The following DSCAML1 variants were observed in gnomAD, a reference collection of about 807,000 sequenced individuals.
DSCAML1 encodes DS cell adhesion molecule like 1.
In DSCAML1, 38 loss-of-function variants were observed where a neutral mutation model predicts 200.5. That is an observed-to-expected ratio of 0.19 (90% CI 0.15 to 0.25). DSCAML1 has a LOEUF of 0.25. Among genes scored for constraint, DSCAML1 ranks in the 10% least tolerant of loss-of-function variants. DSCAML1 has a pLI of 1.00. For synonymous variants in DSCAML1, 1,215 were observed against 1,165.0 expected (o/e 1.04, Z -0.87); for missense variants, 2,223 against 2,858.8 (o/e 0.78, Z 5.07).
chr11:117,666,083 G>A (rs1180851706), intron 3 of DSCAML1, among the ~76,000 whole-genome samples: 1 of 152,182 alleles, frequency 6.6e-6, no homozygotes, highest in African/African-American at 2.4e-5. Flanking sequence ...TGAGAACCCT[G>A]TAATGCTCCG....
chr11:117,733,746 C>T (rs762344981), intron 3 of DSCAML1, among the ~76,000 whole-genome samples: 19 of 152,038 alleles, frequency 1.2e-4, no homozygotes, highest in African/African-American at 1.7e-4. Flanking sequence ...CTCTGGGCCT[C>T]GAATCTCAGG....
chr11:117,524,330 T>C (rs1326807095), intron 5 of DSCAML1, among the ~76,000 whole-genome samples: 1 of 152,228 alleles, frequency 6.6e-6, no homozygotes, highest in Non-Finnish European at 1.5e-5. Context: ...CTATCAATGA[T>C]TGTGAAACAT....
chr11:117,660,257 C>T (rs373441528), intron 3 of DSCAML1, among the ~76,000 whole-genome samples: 2 of 152,182 alleles, frequency 1.3e-5, no homozygotes, highest in Non-Finnish European at 2.9e-5. Context: ...ACCAAAGGCC[C>T]GCCCCTTCCC....
At chr11:117,450,796 G>A (rs767506758) in intron 19 of DSCAML1, 108 bp from the exon 20 acceptor site, 1 of 1,346,426 alleles carries the variant, frequency 7.4e-7, no homozygotes, top group Non-Finnish European at 1.0e-6. Flanking sequence ...GAGCTTCTTG[G>A]AGGTGGCATC....
In DSCAML1 at chr11:117,504,877, C is replaced by T. The variant is rs748671491; in HGVS notation, c.2182+47G>A. 3 of 1,566,636 alleles carry T rather than the reference C, an allele frequency of 1.9e-6. No homozygotes were observed. Among genetic ancestry groups the T allele is most frequent in the South Asian group, 1.2e-5 (1 of 82,842 alleles). On this transcript the variant is annotated intron_variant, in intron 10 of 32. Coordinates refer to ENST00000651296, the MANE Select transcript of DSCAML1 (RefSeq NM_020693.4). The surrounding 1 kb of genome is among the most constrained non-coding windows in gnomAD (Gnocchi z 5.0). ...CAAATCCCACAGAGCATCCTCCGTT[C>T]CCCGTCCCTGCCCTTCTTGGAGATT...
chr11:117,734,986 T>G (rs1197228335), intron 3 of DSCAML1, among the ~76,000 whole-genome samples: 1 of 152,098 alleles, frequency 6.6e-6, no homozygotes, highest in African/African-American at 2.4e-5. Context: ...AGCTTGGGAC[T>G]TGGGGAGGGG....
At chr11:117,697,961 G>A (rs7118719) in intron 3 of DSCAML1, among the ~76,000 whole-genome samples, 9,726 of 151,938 alleles carry the variant, frequency 0.064, 590 homozygotes, top group African/African-American at 0.16. Context: ...TAGTAGATAC[G>A]GGGTTTCACC....
intron 3 of DSCAML1, among the ~76,000 whole-genome samples, chr11:117,648,166 C>G (rs1437931984): frequency 6.6e-6 from 1 of 152,232 alleles, no homozygotes; most frequent in Admixed American, 6.5e-5. Context: ...CACTCATTCC[C>G]CCATCTCAGA....
intron 3 of DSCAML1, among the ~76,000 whole-genome samples, chr11:117,556,227 G>A (rs2137403106): frequency 6.6e-6 from 1 of 152,322 alleles, no homozygotes; most frequent in African/African-American, 2.4e-5. Flanking sequence ...GAGATGGGGA[G>A]AAGGGACATC....
chr11:117,721,816 T>A (rs1021401767), intron 3 of DSCAML1, among the ~76,000 whole-genome samples: 39 of 129,058 alleles, frequency 3.0e-4, no homozygotes, highest in South Asian at 1.0e-3. Flanking sequence ...TATATATTTT[T>A]TTTTTTTTTG....
At chr11:117,625,920 CGCAT>C (rs1565834521) in intron 3 of DSCAML1, among the ~76,000 whole-genome samples, 1 of 152,166 alleles carries the variant, frequency 6.6e-6, no homozygotes, top group Non-Finnish European at 1.5e-5. Flanking sequence ...GTCTATGAGG[CGCAT>C]CTTCCCCTAA....
At chr11:117,496,649 G>A (rs532322390) in intron 11 of DSCAML1, among the ~76,000 whole-genome samples, 2 of 152,338 alleles carry the variant, frequency 1.3e-5, no homozygotes, top group East Asian at 3.9e-4. Context: ...CAGTGCTGTG[G>A]TCATGGGGAC....
Position 117,517,530 on chromosome 11 carries a change from C to G in DSCAML1, c.1511-791G>C, listed in dbSNP as rs186049785. ...TTCCAGGGCCCTGCATCTCTGTCCC[C>G]CTTCCAATACAGAGGAGAGGGCAGG... On this transcript the variant is annotated intron_variant, in intron 7 of 32. Coordinates refer to ENST00000651296, the MANE Select transcript of DSCAML1 (RefSeq NM_020693.4). Among the ~76,000 whole-genome samples, 370 of 152,336 alleles carry G rather than the reference C, an allele frequency of 2.4e-3. 7 individuals are homozygous for G. Among genetic ancestry groups the G allele is most frequent in the Admixed American group, 0.022 (337 of 15,310 alleles).
At chr11:117,644,200 C>T (rs1249792598) in intron 3 of DSCAML1, among the ~76,000 whole-genome samples, 2 of 152,368 alleles carry the variant, frequency 1.3e-5, no homozygotes, top group South Asian at 2.1e-4. Context: ...CAGCCACCCC[C>T]ACCAAGTCTC....
At chr11:117,714,434 G>C (rs1457714045) in intron 3 of DSCAML1, among the ~76,000 whole-genome samples, 1 of 152,166 alleles carries the variant, frequency 6.6e-6, no homozygotes, top group Admixed American at 6.5e-5. Context: ...GCAGCAACAA[G>C]AGCCTAGAAG....
chr11:117,702,579 C>G (rs923356946), intron 3 of DSCAML1, among the ~76,000 whole-genome samples: 4 of 152,050 alleles, frequency 2.6e-5, no homozygotes, highest in African/African-American at 9.7e-5. Context: ...ATTTATTGCT[C>G]CCTGAAAATG....
chr11:117,492,978 C>T (rs531278636), intron 11 of DSCAML1, among the ~76,000 whole-genome samples: 32 of 152,342 alleles, frequency 2.1e-4, no homozygotes, highest in East Asian at 3.9e-4. Context: ...TCAGCTTCAG[C>T]GCCAAGAGCC....
intron 3 of DSCAML1, among the ~76,000 whole-genome samples, chr11:117,729,798 A>T (rs1415297952): frequency 6.6e-6 from 1 of 152,214 alleles, no homozygotes; most frequent in Admixed American, 6.5e-5. Context: ...GAACAGGTGA[A>T]TATGTTAGCT....
rs1487562631 is a variant in DSCAML1, at chr11:117,498,870, CCAAA to C, written c.2359+4971_2359+4974del. On this transcript the variant is annotated intron_variant, in intron 11 of 32. Transcript: ENST00000651296. The surrounding 1 kb of genome is among the most constrained non-coding windows in gnomAD (Gnocchi z 4.0). ...CTAAACAAATAAATCAAAACTCAGA[CCAAA>C]CAAAGAGCCCTTATGGGTTTAATTG... 2.0e-5 allele frequency among the ~76,000 whole-genome samples: 3 copies of C among 152,178 alleles called. No individual in the cohort carries two copies. Among genetic ancestry groups the C allele is most frequent in the Non-Finnish European group, 2.9e-5 (2 of 68,032 alleles).
Sources: allele counts gnomAD v4.1 joint callset (sites outside exome capture counted in the v4.1 genomes callset), GRCh38; gene constraint gnomAD v4.1.1; non-coding constraint Gnocchi (gnomAD v3.1); transcripts MANE v1.5; gene names NCBI Gene and HGNC (gene_info 2026-07-23, HGNC 2026-07-21).